DOCK11: variants seen among roughly 807,000 people sequenced by gnomAD.
DOCK11 encodes the protein dedicator of cytokinesis 11, also known as dedicator of cytokinesis protein 11.
DOCK11 carries 70 observed loss-of-function variants against 169.1 expected under a neutral mutation model. The observed-to-expected ratio is 0.41, with a 90% CI of 0.34 to 0.51. DOCK11 has a LOEUF of 0.51. Ranked by LOEUF, DOCK11 falls within the 20% of genes least tolerant of loss-of-function variation. The probability of loss-of-function intolerance (pLI) is 0.10; values close to 1 mark genes in which losing one functional copy is unlikely to be tolerated. For synonymous variants in DOCK11, 529 were observed against 541.3 expected, an observed-to-expected ratio of 0.98 and a Z score of 0.32; for missense variants, 1,166 against 1,538.8, an observed-to-expected ratio of 0.76 and a Z score of 4.05.
In DOCK11 at chrX:118,516,004, A is replaced by ACTCTATATATAT. The variant is rs1436837389; in HGVS notation, c.102+19931_102+19932insCTCTATATATAT. 4.4e-5 allele frequency among the ~76,000 whole-genome samples: 2 copies of ACTCTATATATAT among 44,954 alleles called. 1 individual carries two copies. Among genetic ancestry groups the ACTCTATATATAT allele is most frequent in the African/African-American group, 2.3e-4 (2 of 8,526 alleles). The allele number at this position is 44,954 out of a possible 115,157, so 39.0% of individuals were successfully genotyped here. On this transcript the variant is annotated intron_variant, in intron 1 of 52. Transcript: ENST00000276202. ...ATGTTCAAAAGTAAGGATTTGGGCA[A>ACTCTATATATAT]ATATATATATATATACATTCTTACA...
At chrX:118,540,826 G>A (rs777176875) in intron 1 of DOCK11, among the ~76,000 whole-genome samples, 1 of 111,671 alleles carries the variant, frequency 9.0e-6, no homozygotes, top group South Asian at 3.7e-4. Flanking sequence ...TAATCCCGAT[G>A]CTATTATAAT....
Position 118,683,103 on chromosome X carries a change from T to C in DOCK11, c.5988T>C (p.Ile1996=). ...MFRKFIQACS[I]ALELNERLIK... is the part of the protein sequence containing the mutation. ...GGAAATTTATACAAGCATGCAGCAT[T>C]GCACTTGAACTAAATGAGCGGCTAA... The change falls in exon 52 of 53, where the codon ATT becomes ATC. Residue 1996 remains isoleucine, a synonymous_variant. Coordinates refer to ENST00000276202, the MANE Select transcript of DOCK11 (RefSeq NM_144658.4). The C allele has an allele frequency of 2.5e-6, 3 of 1,209,876 alleles. No individual in the cohort carries two copies. The Admixed American group carries it at 6.5e-5, about 26-fold the overall frequency.
At chrX:118,516,087 C>CTTTTTTTTTTTTTTTT (rs1300617761) in intron 1 of DOCK11, among the ~76,000 whole-genome samples, 1 of 63,731 alleles carries the variant, frequency 1.6e-5, no homozygotes, top group Non-Finnish European at 2.7e-5. Context: ...CTTTTCTTTT[C>CTTTTTTTTTTTTTTTT]TTTTTCTTTT....
Position 118,590,348 on chromosome X carries a change from T to C in DOCK11, c.2139+46T>C, listed in dbSNP as rs181043280. On this transcript the variant is annotated intron_variant, in intron 19 of 52. Coordinates refer to ENST00000276202, the MANE Select transcript of DOCK11 (RefSeq NM_144658.4). ...CATTTCTAAAACACAGTGGTTGGAA[T>C]TCTTTTTCTCTTTGAATCATTTTCA... 6.2e-5 allele frequency: 62 copies of C among 1,007,707 alleles called. No homozygotes were observed. The African/African-American group carries it at 1.1e-3, about 18-fold the overall frequency. The allele number at this position is 1,007,707 out of a possible 1,213,427, so 83.0% of individuals were successfully genotyped here.
At chrX:118,672,756 A>G (rs1293013957) in intron 46 of DOCK11, among the ~76,000 whole-genome samples, 1 of 112,981 alleles carries the variant, frequency 8.9e-6, no homozygotes, top group Non-Finnish European at 1.9e-5. Context: ...TCTTAAATAA[A>G]GCAGTTAGGC....
intron 6 of DOCK11, among the ~76,000 whole-genome samples, chrX:118,550,452 G>GTT (rs1352625003): frequency 2.7e-5 from 3 of 111,280 alleles, no homozygotes; most frequent in African/African-American, 6.5e-5. Flanking sequence ...AAAAAAAAGT[G>GTT]TTTTAACTGT....
chrX:118,496,288 C>T (rs141752033), intron 1 of DOCK11, among the ~76,000 whole-genome samples: 2,614 of 70,480 alleles, frequency 0.037, 79 homozygotes, highest in African/African-American at 0.13. Context: ...GAGGCGTGCG[C>T]CGGGATGGAA....
chrX:118,563,321 G>A lies in DOCK11; in HGVS notation c.693+1804G>A, dbSNP rs933643238. Reference sequence around the variant, plus strand: ...CTTTAGGGCATGATGTTGTGTGCCTGTAGTGCCAGCTACTCAGGAGCCTGT... The same window carrying A: ...CTTTAGGGCATGATGTTGTGTGCCTATAGTGCCAGCTACTCAGGAGCCTGT... On this transcript the variant is annotated intron_variant, in intron 7 of 52. Transcript: ENST00000276202. Among the ~76,000 whole-genome samples, 35 of 111,292 alleles carry A rather than the reference G, an allele frequency of 3.1e-4. 1 individual carries two copies. Among genetic ancestry groups the A allele is most frequent in the African/African-American group, 1.1e-3 (35 of 30,658 alleles).
At chrX:118,594,769 C>T (rs996417580) in intron 20 of DOCK11, among the ~76,000 whole-genome samples, 2 of 111,032 alleles carry the variant, frequency 1.8e-5, no homozygotes, top group African/African-American at 6.6e-5. Context: ...GGTGGAGAGA[C>T]GAGTGGCTGA....
chrX:118,666,753 G>C (rs1476828380), intron 45 of DOCK11, among the ~76,000 whole-genome samples: 1 of 111,592 alleles, frequency 9.0e-6, no homozygotes, highest in Non-Finnish European at 1.9e-5. Context: ...CTGAATCCTA[G>C]GGAAGATATA....
intron 14 of DOCK11, among the ~76,000 whole-genome samples, chrX:118,582,178 C>T (rs776738047): frequency 8.0e-5 from 9 of 112,020 alleles, no homozygotes; most frequent in Non-Finnish European, 1.1e-4. Context: ...CACTTATCTA[C>T]GTGCTTCATG....
chrX:118,664,471 C>G (rs971989186), intron 45 of DOCK11, among the ~76,000 whole-genome samples: 77 of 110,102 alleles, frequency 7.0e-4, no homozygotes, highest in African/African-American at 2.5e-3. Flanking sequence ...GCCTGGCCAA[C>G]ATGGCTCTAC....
chrX:118,574,699 C>G lies in DOCK11; in HGVS notation c.1389+681C>G, dbSNP rs968528833. On this transcript the variant is annotated intron_variant, in intron 12 of 52. Coordinates refer to ENST00000276202, the MANE Select transcript of DOCK11 (RefSeq NM_144658.4). ...AAAATTGACCCTAAATTAACTCTCC[C>G]ACCCCTGATTTTCATGTCCATTATG... 4.5e-5 allele frequency among the ~76,000 whole-genome samples: 5 copies of G among 112,072 alleles called. 1 individual carries two copies. The highest frequency in any genetic ancestry group is 1.9e-4 in the Admixed American group (2 of 10,556).
At chrX:118,508,151 T>C (rs1216869140) in intron 1 of DOCK11, among the ~76,000 whole-genome samples, 1 of 111,124 alleles carries the variant, frequency 9.0e-6, no homozygotes, top group African/African-American at 3.3e-5. Context: ...CCTAAGGATA[T>C]TGAGAACTGT....
chrX:118,528,857 G>A (rs2011442534), intron 1 of DOCK11, among the ~76,000 whole-genome samples: 1 of 110,072 alleles, frequency 9.1e-6, no homozygotes, highest in Non-Finnish European at 1.9e-5. Context: ...CAGAGAGAGA[G>A]AGGTTGTTTA....
intron 48 of DOCK11, among the ~76,000 whole-genome samples, chrX:118,678,687 G>T (rs2016668799): frequency 1.8e-5 from 2 of 109,166 alleles, no homozygotes; most frequent in Non-Finnish European, 1.9e-5. Context: ...TGGCCAGGAT[G>T]GTCTCGAACT....
intron 34 of DOCK11, among the ~76,000 whole-genome samples, chrX:118,628,960 C>T (rs1224988433): frequency 5.4e-5 from 6 of 112,143 alleles, no homozygotes; most frequent in African/African-American, 1.6e-4. Flanking sequence ...GGACCATACT[C>T]GAACCCAGAT....
chrX:118,612,782 A>G (rs2014715796), intron 28 of DOCK11, among the ~76,000 whole-genome samples: 1 of 111,819 alleles, frequency 8.9e-6, no homozygotes, highest in African/African-American at 3.3e-5. Flanking sequence ...GACGAGTGAA[A>G]AGTCGTGTGA....
At chrX:118,567,072 A>G (rs1383260350) in intron 9 of DOCK11, among the ~76,000 whole-genome samples, 1 of 112,334 alleles carries the variant, frequency 8.9e-6, no homozygotes, top group African/African-American at 3.2e-5. Context: ...ATATATGTGT[A>G]TATGAATGAT....
Sources: gnomAD v4.1 joint callset for allele counts (sites outside exome capture counted in the v4.1 genomes callset) on GRCh38, gnomAD v4.1.1 for gene constraint, MANE v1.5 for transcripts, NCBI Gene and HGNC (gene_info 2026-07-23, HGNC 2026-07-21) for gene names.